Variants in PTPRD observed in about 807,000 individuals in gnomAD.
PTPRD encodes protein tyrosine phosphatase receptor type D.
A neutral mutation model predicts 214.5 loss-of-function variants in PTPRD; 34 were observed. The observed-to-expected ratio is 0.16, with a 90% CI of 0.12 to 0.21. The LOEUF is 0.21. Ranked by LOEUF, PTPRD falls within the 10% of genes least tolerant of loss-of-function variation. The probability of loss-of-function intolerance (pLI) is 1.00; values close to 1 mark genes in which losing one functional copy is unlikely to be tolerated. For missense variants in PTPRD, 2,545 were observed against 2,398.7 expected (o/e 1.06, Z -1.27); for synonymous variants, 1,128 against 845.7 (o/e 1.33, Z -5.79).
chr9:10,225,505 C>T (rs962975241), intron 3 of PTPRD, among the ~76,000 whole-genome samples: 2 of 152,010 alleles, frequency 1.3e-5, no homozygotes, highest in Non-Finnish European at 2.9e-5. Flanking sequence ...AAAGTTGGCA[C>T]TGCTTTTATT....
At chr9:8,735,264 C>T (rs1326053999) in intron 11 of PTPRD, among the ~76,000 whole-genome samples, 3 of 151,610 alleles carry the variant, frequency 2.0e-5, no homozygotes, top group Non-Finnish European at 4.4e-5. Context: ...CTGTCTCAGC[C>T]ACCCAAGTAG....
chr9:9,514,324 A>G (rs952963583), intron 8 of PTPRD, among the ~76,000 whole-genome samples: 1 of 152,092 alleles, frequency 6.6e-6, no homozygotes, highest in Non-Finnish European at 1.5e-5. Context: ...TTGATGGCAT[A>G]CAGGAATACC....
chr9:9,012,769 G>C (rs2099517006), intron 11 of PTPRD, among the ~76,000 whole-genome samples: 1 of 152,116 alleles, frequency 6.6e-6, no homozygotes, highest in Non-Finnish European at 1.5e-5. Flanking sequence ...GCTATTTTCT[G>C]CCATATGAGG....
chr9:9,292,067 T>G (rs1318730795), intron 9 of PTPRD, among the ~76,000 whole-genome samples: 1 of 151,380 alleles, frequency 6.6e-6, no homozygotes, highest in East Asian at 2.0e-4. Flanking sequence ...AGAAGATTCA[T>G]GGAGCTTTGC....
chr9:9,707,507 C>T (rs1420959601), intron 7 of PTPRD, among the ~76,000 whole-genome samples: 1 of 151,920 alleles, frequency 6.6e-6, no homozygotes, highest in African/African-American at 2.4e-5. Context: ...TAATTCATTC[C>T]TAAACAATGC....
chr9:8,892,661 G>GTA (rs1334063777), intron 11 of PTPRD, among the ~76,000 whole-genome samples: 4 of 138,146 alleles, frequency 2.9e-5, no homozygotes, highest in Admixed American at 7.6e-5. Context: ...ATATATGAGT[G>GTA]TATATATATG....
chr9:8,504,030 C>G (rs1255940755), intron 23 of PTPRD, among the ~76,000 whole-genome samples: 2 of 152,150 alleles, frequency 1.3e-5, no homozygotes, highest in African/African-American at 4.8e-5. Flanking sequence ...CTACTACCTT[C>G]TTTAAAAGTC....
intron 14 of PTPRD, among the ~76,000 whole-genome samples, chr9:8,556,840 C>T (rs373052066): frequency 1.3e-5 from 2 of 152,030 alleles, no homozygotes; most frequent in Admixed American, 6.5e-5. Context: ...GTGACAGAAT[C>T]GAACCCATGT....
chr9:9,666,626 C>T (rs892276433), intron 7 of PTPRD, among the ~76,000 whole-genome samples: 3 of 151,858 alleles, frequency 2.0e-5, no homozygotes, highest in African/African-American at 7.2e-5. Flanking sequence ...CAAATTGTAT[C>T]GATTCAATCT....
intron 7 of PTPRD, among the ~76,000 whole-genome samples, chr9:9,674,495 G>A (rs2154392039): frequency 6.6e-6 from 1 of 151,822 alleles, no homozygotes; most frequent in Admixed American, 6.6e-5. Flanking sequence ...CCCAACATAT[G>A]TTAATAAACC....
intron 30 of PTPRD, among the ~76,000 whole-genome samples, chr9:8,482,619 T>G (rs935329061): frequency 3.3e-5 from 5 of 152,182 alleles, no homozygotes; most frequent in African/African-American, 1.2e-4. Flanking sequence ...TTTCCTAAAA[T>G]GGAATTTTAT....
intron 8 of PTPRD, among the ~76,000 whole-genome samples, chr9:9,421,235 T>A (rs887753324): frequency 7.9e-5 from 12 of 151,884 alleles, no homozygotes; most frequent in Non-Finnish European, 1.5e-4. Flanking sequence ...ATAAAAACAC[T>A]TTAATTCTAA....
Position 8,787,701 on chromosome 9 carries a change from G to GGGA in PTPRD, c.-103-53758_-103-53756dup, listed in dbSNP as rs200124469. Among the ~76,000 whole-genome samples the GGGA allele has an allele frequency of 6.6e-3, 1,010 of 152,172 alleles. 7 individuals carry two copies. Among genetic ancestry groups the GGGA allele is most frequent in the African/African-American group, 0.022 (924 of 41,516 alleles). On this transcript the variant is annotated intron_variant, in intron 11 of 45. Coordinates refer to ENST00000381196, the MANE Select transcript of PTPRD (RefSeq NM_002839.4). Reference sequence around the variant, plus strand: ...GACAGGAGGGGAAGGAAGGAGAGATGGGACAGGACAGGAAGACAGGAGAGA... The same window carrying GGGA: ...GACAGGAGGGGAAGGAAGGAGAGATGGGAGGACAGGACAGGAAGACAGGAGAGA...
At chr9:8,542,655 CT>C (rs2140269857) in intron 14 of PTPRD, among the ~76,000 whole-genome samples, 1 of 152,378 alleles carries the variant, frequency 6.6e-6, no homozygotes, top group South Asian at 2.1e-4. Context: ...GAGCACAGCA[CT>C]AAGTACAAAG....
chr9:9,305,106 C>T (rs1274173674), intron 9 of PTPRD, among the ~76,000 whole-genome samples: 1 of 151,244 alleles, frequency 6.6e-6, no homozygotes, highest in African/African-American at 2.4e-5. Context: ...AATCAACTTG[C>T]TTCTCATCTT....
chr9:10,244,749 G>A (rs1183965484), intron 3 of PTPRD, among the ~76,000 whole-genome samples: 1 of 152,134 alleles, frequency 6.6e-6, no homozygotes, highest in Non-Finnish European at 1.5e-5. Flanking sequence ...AAAACAGGGA[G>A]AGAAGTAGGT....
At position 8,635,011 on chromosome 9, in the gene PTPRD, A is replaced by G. The variant is rs189248392; in HGVS notation, c.211-1553T>C. ...CAGTCAACATGTACTGCTCTCAGGGACCATACAGACTAGTAATACCATATA... is the reference window on the plus strand; with the variant it reads ...CAGTCAACATGTACTGCTCTCAGGGGCCATACAGACTAGTAATACCATATA... On this transcript the variant is annotated intron_variant, in intron 13 of 45. Transcript: ENST00000381196. Among the ~76,000 whole-genome samples, 182 of 149,782 alleles carry G rather than the reference A, an allele frequency of 1.2e-3. 2 individuals carry two copies. The highest frequency in any genetic ancestry group is 4.3e-3 in the African/African-American group (176 of 41,060).
chr9:9,757,546 C>T (rs1400028672), intron 6 of PTPRD, among the ~76,000 whole-genome samples: 2 of 151,966 alleles, frequency 1.3e-5, no homozygotes, highest in Non-Finnish European at 2.9e-5. Flanking sequence ...AAATTCAGAG[C>T]AATAATTTAT....
chr9:8,594,586 G>A (rs1194574376), intron 14 of PTPRD, among the ~76,000 whole-genome samples: 5 of 152,172 alleles, frequency 3.3e-5, no homozygotes, highest in East Asian at 3.9e-4. Flanking sequence ...GGATCATGGG[G>A]GCAGTTTCCC....
Sources: gnomAD v4.1 joint callset for allele counts (sites outside exome capture counted in the v4.1 genomes callset) on GRCh38, gnomAD v4.1.1 for gene constraint, MANE v1.5 for transcripts, NCBI Gene and HGNC (gene_info 2026-07-23, HGNC 2026-07-21) for gene names.